Variants in LMO1 observed in about 807,000 individuals in gnomAD.
LMO1 encodes LIM domain only 1.
A neutral mutation model predicts 18.0 loss-of-function variants in LMO1; 10 were observed. The ratio of observed to expected loss-of-function variants is 0.55; its 90% CI spans 0.34 to 0.94. The LOEUF is 0.94. LMO1 is among the 40% of genes least tolerant of loss of function. The pLI, the probability that LMO1 is intolerant of heterozygous loss-of-function variation, is 0.02. For missense variants in LMO1, 183 were observed against 205.7 expected (o/e 0.89, Z 0.68); for synonymous variants, 77 against 77.9 (o/e 0.99, Z 0.06).
At chr11:8,225,298 C>A (rs1013258164) in intron 3 of LMO1, among the ~76,000 whole-genome samples, 4 of 145,912 alleles carry the variant, frequency 2.7e-5, no homozygotes, top group African/African-American at 1.0e-4. Flanking sequence ...CCCATCTACT[C>A]GGGAGGCTGA....
At chr11:8,233,162 A>G (rs1482955772) in intron 1 of LMO1, among the ~76,000 whole-genome samples, 1 of 152,108 alleles carries the variant, frequency 6.6e-6, no homozygotes, top group Non-Finnish European at 1.5e-5. Flanking sequence ...ACTCTTATAG[A>G]AGCCACACAG....
upstream of LMO1, among the ~76,000 whole-genome samples, chr11:8,264,551 C>G (rs1198112311): frequency 6.6e-6 from 1 of 152,156 alleles, no homozygotes; most frequent in Non-Finnish European, 1.5e-5. Context: ...CCCCAGAATC[C>G]TGGGGCTGAT....
chr11:8,226,739 C>T (rs1490149059), intron 3 of LMO1: 4 of 627,632 alleles, frequency 6.4e-6, no homozygotes, highest in Non-Finnish European at 9.8e-6. Flanking sequence ...TATATTCACA[C>T]AGAAATGTGC....
chr11:8,242,798 C>T (rs562040377), intron 1 of LMO1, among the ~76,000 whole-genome samples: 4 of 152,380 alleles, frequency 2.6e-5, no homozygotes, highest in South Asian at 2.1e-4. Context: ...CTCAATTTCA[C>T]AGCATCAGGG....
intron 1 of LMO1, among the ~76,000 whole-genome samples, chr11:8,238,359 C>G (rs937387389): frequency 1.3e-5 from 2 of 152,130 alleles, no homozygotes; most frequent in Admixed American, 6.5e-5. Flanking sequence ...CAGGCAAAAC[C>G]GATCTGATGT....
At chr11:8,251,736 G>C (rs1846997107) in intron 1 of LMO1, among the ~76,000 whole-genome samples, 1 of 151,702 alleles carries the variant, frequency 6.6e-6, no homozygotes, top group South Asian at 2.1e-4. Context: ...GTGTGTATGG[G>C]GGGGGTATAG....
rs77773507 is a variant in LMO1 at position 8,251,479 on chromosome 11, C to T, written c.25+11859G>A. ...AGCGGGGCCCTCAATCCAACAGCAG[C>T]GGGGAGGCTGGCTCAGGAAGGAACC... is the stretch of plus-strand genomic sequence containing the variant. On this transcript the variant is annotated intron_variant, in intron 1 of 3. Transcript: ENST00000335790. 1.6e-3 allele frequency among the ~76,000 whole-genome samples: 250 copies of T among 152,284 alleles called. 1 individual carries two copies. Among genetic ancestry groups the T allele is most frequent in the African/African-American group, 5.8e-3 (242 of 41,564 alleles).
chr11:8,256,864 T>C (rs1299694309), intron 1 of LMO1, among the ~76,000 whole-genome samples: 3 of 152,194 alleles, frequency 2.0e-5, no homozygotes, highest in African/African-American at 7.2e-5. Context: ...AAAGCAGCAG[T>C]AGGCCTCAGG....
chr11:8,257,208 A>G (rs1274671473), intron 1 of LMO1, among the ~76,000 whole-genome samples: 3 of 152,184 alleles, frequency 2.0e-5, no homozygotes, highest in Non-Finnish European at 2.9e-5. Flanking sequence ...GTGTAGTCCA[A>G]TCCCAAATAT....
At chr11:8,234,175 G>A (rs2134535663) in intron 1 of LMO1, among the ~76,000 whole-genome samples, 1 of 152,246 alleles carries the variant, frequency 6.6e-6, no homozygotes, top group South Asian at 2.1e-4. Context: ...AGCAGGGGGT[G>A]GAGGCAGGGC....
intron 1 of LMO1, among the ~76,000 whole-genome samples, chr11:8,238,307 A>G (rs1376907354): frequency 2.0e-5 from 3 of 152,212 alleles, no homozygotes; most frequent in African/African-American, 4.8e-5. Context: ...TAGACACAAA[A>G]AGGTACATAC....
At chr11:8,265,137 T>C (rs1254840471), upstream of LMO1, among the ~76,000 whole-genome samples, 3 of 152,228 alleles carry the variant, frequency 2.0e-5, no homozygotes, top group Non-Finnish European at 4.4e-5. Flanking sequence ...GGATTCTATC[T>C]CATCTCTGCC....
chr11:8,244,894 C>A (rs1846868853), intron 1 of LMO1, among the ~76,000 whole-genome samples: 3 of 152,236 alleles, frequency 2.0e-5, no homozygotes, highest in African/African-American at 7.2e-5. Flanking sequence ...CAAGCAAGGT[C>A]TCCTCCTTAA....
chr11:8,229,772 G>T (rs1214449969), intron 2 of LMO1, among the ~76,000 whole-genome samples: 2 of 152,208 alleles, frequency 1.3e-5, no homozygotes, highest in African/African-American at 4.8e-5. Context: ...AGCATCAGTG[G>T]CCCTGCTCCT....
Position 8,263,792 on chromosome 11 carries a change from T to G in LMO1, c.-430A>C. 9.3e-7 allele frequency: 1 copy of G among 1,070,992 alleles called. No individual in the cohort carries two copies. The highest frequency in any genetic ancestry group is 1.1e-6 in the Non-Finnish European group (1 of 883,808). 66.3% of individuals were successfully genotyped at this position (1,070,992 alleles called of 1,614,324 possible). ...CCTCATAAAGTGTTTTCCCCTCGGA[T>G]TTAATCTGAATCTCAATCTAAAATT... On this transcript the variant is annotated 5_prime_UTR_variant, in exon 1 of 4. Transcript: ENST00000335790.
At chr11:8,234,771 TCTCCCTCC>T (rs1952732610) in intron 1 of LMO1, among the ~76,000 whole-genome samples, 2 of 152,184 alleles carry the variant, frequency 1.3e-5, no homozygotes, top group East Asian at 3.9e-4. Flanking sequence ...ACACAGCTCC[TCTCCCTCC>T]CGCAAATGGA....
At chr11:8,247,098 G>A (rs1310774710) in intron 1 of LMO1, among the ~76,000 whole-genome samples, 1 of 152,168 alleles carries the variant, frequency 6.6e-6, no homozygotes, top group East Asian at 1.9e-4. Flanking sequence ...GTCTCTCTTT[G>A]TTGAAATTTC....
At chr11:8,258,484 T>A (rs1281209392) in intron 1 of LMO1, among the ~76,000 whole-genome samples, 2 of 152,252 alleles carry the variant, frequency 1.3e-5, no homozygotes, top group Non-Finnish European at 2.9e-5. Context: ...CCCTGGGCCA[T>A]GGCTGAACCT....
intron 3 of LMO1, among the ~76,000 whole-genome samples, chr11:8,225,361 C>T (rs950562901): frequency 7.3e-6 from 1 of 137,460 alleles, no homozygotes; most frequent in Non-Finnish European, 1.5e-5. Context: ...GCCGAGATCA[C>T]GCCACCACAC....
Sources: gnomAD v4.1 joint callset for allele counts (sites outside exome capture counted in the v4.1 genomes callset) on GRCh38, gnomAD v4.1.1 for gene constraint, MANE v1.5 for transcripts, NCBI Gene and HGNC (gene_info 2026-07-23, HGNC 2026-07-21) for gene names.